Variants in ERC1 observed in about 807,000 individuals in gnomAD.
ERC1 encodes the protein RAB6 interacting protein 2.
In ERC1, 56 loss-of-function variants were observed where a neutral mutation model predicts 132.0. That is an observed-to-expected ratio of 0.42 (90% CI 0.34 to 0.53). The LOEUF (loss-of-function observed/expected upper bound fraction) is 0.53, where lower values mean the gene tolerates loss of function less well. Among genes scored for constraint, ERC1 ranks in the 20% least tolerant of loss-of-function variants. The probability of loss-of-function intolerance (pLI) is 0.03; values close to 1 mark genes in which losing one functional copy is unlikely to be tolerated. For missense variants in ERC1, 1,202 were observed against 1,349.9 expected, an observed-to-expected ratio of 0.89 and a Z score of 1.72; for synonymous variants, 478 against 476.1, an observed-to-expected ratio of 1.00 and a Z score of -0.05.
At chr12:1,052,138 C>G (rs1972130594) in intron 2 of ERC1, among the ~76,000 whole-genome samples, 1 of 152,174 alleles carries the variant, frequency 6.6e-6, no homozygotes, top group Non-Finnish European at 1.5e-5. Flanking sequence ...ATTGCTGGGA[C>G]TCATCCTCAG....
At chr12:1,116,181 A>C (rs1946417666) in intron 7 of ERC1, 148 bp downstream of exon 7, 2 of 614,068 alleles carry the variant, frequency 3.3e-6, no homozygotes, top group Non-Finnish European at 5.5e-6. Context: ...CACTGTGCTA[A>C]AATGTAACCA....
intron 16 of ERC1, among the ~76,000 whole-genome samples, chr12:1,388,666 A>T (rs147076603): frequency 6.6e-6 from 1 of 152,192 alleles, no homozygotes; most frequent in Non-Finnish European, 1.5e-5. Context: ...AGATAAATCA[A>T]TCACTCTGGC....
chr12:1,000,622 G>A (rs1350068684), intron 1 of ERC1, among the ~76,000 whole-genome samples: 3 of 152,166 alleles, frequency 2.0e-5, no homozygotes, highest in Non-Finnish European at 1.5e-5. Flanking sequence ...AATTAGCTGG[G>A]TGTGGTGGTG....
chr12:1,037,767 T>A (rs4604948), intron 2 of ERC1, among the ~76,000 whole-genome samples: 1 of 152,064 alleles, frequency 6.6e-6, no homozygotes. Context: ...ATATCCGGCC[T>A]GGCGCAGTGG....
intron 7 of ERC1, among the ~76,000 whole-genome samples, chr12:1,119,752 G>C (rs943574490): frequency 6.6e-6 from 1 of 152,070 alleles, no homozygotes; most frequent in South Asian, 2.1e-4. Context: ...GTTTCTCCCT[G>C]TTGGTCAGGC....
intron 18 of ERC1, among the ~76,000 whole-genome samples, chr12:1,485,244 A>G (rs1418609369): frequency 9.2e-5 from 11 of 119,788 alleles, no homozygotes; most frequent in Non-Finnish European, 1.5e-4. Context: ...TCGCTCTGTC[A>G]CCCAGGCTGG....
intron 15 of ERC1, among the ~76,000 whole-genome samples, chr12:1,352,098 G>A (rs540952838): frequency 6.6e-6 from 1 of 152,168 alleles, no homozygotes; most frequent in Admixed American, 6.5e-5. Context: ...AGAGTCACCA[G>A]GCCTTAACCT....
At chr12:1,116,945 C>A (rs536061189) in intron 7 of ERC1, among the ~76,000 whole-genome samples, 1 of 152,272 alleles carries the variant, frequency 6.6e-6, no homozygotes, top group South Asian at 2.1e-4. Context: ...AGGTATCCAC[C>A]ATCTTCAGAT....
intron 2 of ERC1, among the ~76,000 whole-genome samples, chr12:1,076,397 C>CTTTTTT (rs71293129): frequency 1.5e-5 from 2 of 131,026 alleles, no homozygotes. Context: ...TTTTCTTTTT[C>CTTTTTT]TTTTTTTTTT....
intron 16 of ERC1, chr12:1,385,863 C>T (rs939936680): frequency 6.6e-6 from 1 of 152,074 alleles, no homozygotes; most frequent in Non-Finnish European, 1.5e-5. Flanking sequence ...AAGTGGGTCT[C>T]TTACTTTTGT....
intron 8 of ERC1, among the ~76,000 whole-genome samples, chr12:1,146,954 C>T (rs1950437636): frequency 6.6e-6 from 1 of 152,148 alleles, no homozygotes; most frequent in African/African-American, 2.4e-5. Flanking sequence ...GACACAAACT[C>T]ATCATTTTTT....
intron 2 of ERC1, among the ~76,000 whole-genome samples, chr12:1,052,298 G>A (rs1438260261): frequency 2.0e-5 from 3 of 152,170 alleles, no homozygotes; most frequent in Non-Finnish European, 4.4e-5. Flanking sequence ...TATTGTCTCT[G>A]TGTATTTTAT....
At chr12:1,360,809 A>G (rs1338779472) in intron 15 of ERC1, among the ~76,000 whole-genome samples, 1 of 152,174 alleles carries the variant, frequency 6.6e-6, no homozygotes, top group Non-Finnish European at 1.5e-5. Context: ...AGGGCTGGGT[A>G]CAGTGGCTTA....
chr12:1,320,466 A>G (rs73034930), intron 15 of ERC1, among the ~76,000 whole-genome samples: 5,249 of 152,268 alleles, frequency 0.034, 96 homozygotes, highest in Middle Eastern at 0.075. Flanking sequence ...GTAGTATTCC[A>G]TAGTATTATA....
chr12:1,299,163 C>T (rs769099803), intron 15 of ERC1, among the ~76,000 whole-genome samples: 6 of 152,128 alleles, frequency 3.9e-5, no homozygotes, highest in African/African-American at 7.2e-5. Context: ...GATCTAAAGA[C>T]TATTAACTTG....
intron 13 of ERC1, chr12:1,244,768 C>G (rs2076058927): frequency 3.5e-6 from 1 of 284,596 alleles, no homozygotes. Context: ...ATCTGCCTGC[C>G]TCGGCCTCTA....
chr12:1,196,838 C>CTCTG (rs1555299914), intron 12 of ERC1, among the ~76,000 whole-genome samples: 1 of 99,402 alleles, frequency 1.0e-5, no homozygotes, highest in African/African-American at 4.5e-5. Context: ...CTCTGTCTGT[C>CTCTG]TCTCTGTCTG....
At chr12:1,359,407 CTGAG>C (rs1284657442) in intron 15 of ERC1, among the ~76,000 whole-genome samples, 1 of 152,048 alleles carries the variant, frequency 6.6e-6, no homozygotes, top group African/African-American at 2.4e-5. Context: ...GTACCACAGA[CTGAG>C]TAATTTATAA....
chr12:1,301,492 C>T (rs1447745073), intron 15 of ERC1, among the ~76,000 whole-genome samples: 4 of 152,060 alleles, frequency 2.6e-5, no homozygotes, highest in South Asian at 2.1e-4. Context: ...GCCATAAAAA[C>T]GAACAGGATC....
Sources: gnomAD v4.1 joint callset for allele counts (sites outside exome capture counted in the v4.1 genomes callset) on GRCh38, gnomAD v4.1.1 for gene constraint, MANE v1.5 for transcripts, NCBI Gene and HGNC (gene_info 2026-07-23, HGNC 2026-07-21) for gene names.